WDR20: variants seen among roughly 807,000 people sequenced by gnomAD.
WDR20 encodes the protein WD repeat domain 20, also known as WD repeat-containing protein 20.
Under a neutral mutation model 38.7 loss-of-function variants are expected in WDR20, and 3 were observed. The ratio of observed to expected loss-of-function variants is 0.08; its 90% CI spans 0.04 to 0.20. The LOEUF (loss-of-function observed/expected upper bound fraction) is 0.20, where lower values mean the gene tolerates loss of function less well. Among genes scored for constraint, WDR20 ranks in the 10% least tolerant of loss-of-function variants. The pLI, the probability that WDR20 is intolerant of heterozygous loss-of-function variation, is 1.00. For missense variants in WDR20, 559 were observed against 727.7 expected, an observed-to-expected ratio of 0.77 and a Z score of 2.67; for synonymous variants, 298 against 285.6, an observed-to-expected ratio of 1.04 and a Z score of -0.44.
chr14:102,139,600 C>G (rs555206848), upstream of WDR20: 41 of 676,208 alleles, frequency 6.1e-5, no homozygotes, highest in African/African-American at 6.5e-4. Context: ...TCCGCTGGCC[C>G]TGGCGGCTGC....
chr14:102,146,266 G>C (rs2053613025), intron 1 of WDR20, among the ~76,000 whole-genome samples: 1 of 152,080 alleles, frequency 6.6e-6, no homozygotes, highest in South Asian at 2.1e-4. Context: ...CGGGTTTTAA[G>C]CGATTCTCCT....
At chr14:102,143,145 T>A (rs1211596142) in intron 1 of WDR20, among the ~76,000 whole-genome samples, 1 of 152,158 alleles carries the variant, frequency 6.6e-6, no homozygotes, top group Non-Finnish European at 1.5e-5. Flanking sequence ...CCTGTTAGAA[T>A]TTTTTCTCAT....
intron 1 of WDR20, among the ~76,000 whole-genome samples, chr14:102,165,280 C>T (rs1320219174): frequency 6.6e-6 from 1 of 152,194 alleles, no homozygotes; most frequent in African/African-American, 2.4e-5. Context: ...TGGGTTCAGT[C>T]ACCAGCTTTA....
intron 1 of WDR20, among the ~76,000 whole-genome samples, chr14:102,165,465 C>T (rs2059565258): frequency 6.6e-6 from 1 of 152,008 alleles, no homozygotes; most frequent in Non-Finnish European, 1.5e-5. Context: ...GAATTGAAAA[C>T]GTGTTCATCC....
chr14:102,162,705 C>G (rs1188441093), intron 1 of WDR20, among the ~76,000 whole-genome samples: 1 of 152,132 alleles, frequency 6.6e-6, no homozygotes, highest in Non-Finnish European at 1.5e-5. Context: ...CCTCTGCCTC[C>G]TGGGCTCAAG....
At chr14:102,175,483 T>C (rs1032905103) in intron 1 of WDR20, among the ~76,000 whole-genome samples, 3 of 152,228 alleles carry the variant, frequency 2.0e-5, no homozygotes, top group Non-Finnish European at 4.4e-5. Flanking sequence ...CCAGGTAATA[T>C]GATGCCCCCA....
intron 2 of WDR20, among the ~76,000 whole-genome samples, chr14:102,201,215 T>G (rs550546377): frequency 1.2e-4 from 18 of 152,196 alleles, no homozygotes; most frequent in Non-Finnish European, 2.1e-4. Flanking sequence ...TAGTTGCCAT[T>G]TTTGCTTGTG....
At chr14:102,202,151 C>T (rs572313084) in intron 2 of WDR20, among the ~76,000 whole-genome samples, 44 of 152,124 alleles carry the variant, frequency 2.9e-4, no homozygotes, top group Admixed American at 2.1e-3. Context: ...TCTCTGCCCC[C>T]ACCCTGCTTC....
At chr14:102,173,184 C>T (rs2061329936) in intron 1 of WDR20, among the ~76,000 whole-genome samples, 1 of 151,088 alleles carries the variant, frequency 6.6e-6, no homozygotes, top group Non-Finnish European at 1.5e-5. Flanking sequence ...ACCATCTCAG[C>T]TCACTGCAAC....
At position 102,221,863 on chromosome 14, in the gene WDR20, A is replaced by G. The variant is rs1328399333; in HGVS notation, c.1693-967A>G. On this transcript the variant is annotated intron_variant, in intron 3 of 3. Transcript: ENST00000335263. The surrounding 1 kb of genome is among the most constrained non-coding windows in gnomAD (Gnocchi z 4.8). ...TACTCATCAGCTGAAGCCTTCTTCC[A>G]TGACAGCTAAGTTGTATTCCCAGAG... 1.3e-5 allele frequency among the ~76,000 whole-genome samples: 2 copies of G among 152,180 alleles called. No individual in the cohort carries two copies. The highest frequency in any genetic ancestry group is 4.8e-5 in the African/African-American group (2 of 41,452).
At chr14:102,150,343 G>A (rs1446496559) in intron 1 of WDR20, among the ~76,000 whole-genome samples, 1 of 152,090 alleles carries the variant, frequency 6.6e-6, no homozygotes, top group African/African-American at 2.4e-5. Flanking sequence ...GTGTGGTGGT[G>A]TGCGCCTGTA....
Position 102,145,573 on chromosome 14 carries a change from G to A in WDR20, c.249+5401G>A, listed in dbSNP as rs77116579. Among the ~76,000 whole-genome samples the A allele has an allele frequency of 3.8e-3, 574 of 152,206 alleles. 6 individuals carry two copies. Among genetic ancestry groups the A allele is most frequent in the African/African-American group, 0.013 (533 of 41,524 alleles). ...AGCCTGGGCAACACAGTGAAACCTC[G>A]TGTGGGTTCGAGACCAGCCTGGACA... On this transcript the variant is annotated intron_variant, in intron 1 of 2. Coordinates refer to ENST00000342702, the MANE Select transcript of WDR20 (RefSeq NM_144574.4).
chr14:102,204,182 G>A (rs1351901514), intron 2 of WDR20, among the ~76,000 whole-genome samples: 4 of 152,112 alleles, frequency 2.6e-5, no homozygotes, highest in African/African-American at 4.8e-5. Flanking sequence ...TGATGGGCCC[G>A]TCTGTTCCCC....
chr14:102,171,663 T>G (rs994910315), intron 1 of WDR20, among the ~76,000 whole-genome samples: 3 of 151,866 alleles, frequency 2.0e-5, no homozygotes, highest in Non-Finnish European at 2.9e-5. Flanking sequence ...GTTTAAGACA[T>G]AGTTGCCTGT....
upstream of WDR20, chr14:102,139,741 T>G: frequency 2.2e-6 from 2 of 908,630 alleles, no homozygotes; most frequent in South Asian, 3.4e-5. Context: ...TGAGCACGCC[T>G]GCGCAGTCGG....
At chr14:102,148,378 C>G (rs1283292159) in intron 1 of WDR20, among the ~76,000 whole-genome samples, 1 of 151,770 alleles carries the variant, frequency 6.6e-6, no homozygotes, top group Non-Finnish European at 1.5e-5. Flanking sequence ...GAGCTCATCT[C>G]TACAAGAAAA....
At chr14:102,200,467 T>TTTTTTTTTTGTG (rs748066838) in intron 2 of WDR20, among the ~76,000 whole-genome samples, 2 of 117,774 alleles carry the variant, frequency 1.7e-5, no homozygotes, top group African/African-American at 6.2e-5. Flanking sequence ...ATTTTTTTTT[T>TTTTTTTTTTGTG]TGTGTGTGTG....
chr14:102,203,102 C>G (rs1364152911), intron 2 of WDR20, among the ~76,000 whole-genome samples: 1 of 152,228 alleles, frequency 6.6e-6, no homozygotes, highest in East Asian at 1.9e-4. Context: ...CCCACCCCAC[C>G]TTGCATTCTG....
At chr14:102,152,947 T>C (rs1039808626) in intron 1 of WDR20, among the ~76,000 whole-genome samples, 25 of 152,282 alleles carry the variant, frequency 1.6e-4, no homozygotes, top group African/African-American at 6.0e-4. Context: ...AGGAGTCTCA[T>C]TGGGAGCTCT....
Sources: gnomAD v4.1 joint callset for allele counts (sites outside exome capture counted in the v4.1 genomes callset) on GRCh38, gnomAD v4.1.1 for gene constraint, Gnocchi (gnomAD v3.1) non-coding constraint, MANE v1.5 for transcripts, NCBI Gene and HGNC (gene_info 2026-07-23, HGNC 2026-07-21) for gene names.